The following LRP1B variants were observed in gnomAD, a reference collection of about 807,000 sequenced individuals.
LRP1B encodes LDL receptor related protein 1B, also known as low-density lipoprotein receptor-related protein 1B.
LRP1B carries 217 observed loss-of-function variants against 556.6 expected under a neutral mutation model. The observed-to-expected ratio is 0.39, with a 90% CI of 0.35 to 0.44. LRP1B has a LOEUF of 0.44. LRP1B is among the 20% of genes least tolerant of loss of function. The pLI is 1.00. For missense variants in LRP1B, 5,053 were observed against 5,620.8 expected, an observed-to-expected ratio of 0.90 and a Z score of 3.23; for synonymous variants, 2,047 against 1,865.8, an observed-to-expected ratio of 1.10 and a Z score of -2.50.
intron 46 of LRP1B, among the ~76,000 whole-genome samples, chr2:140,534,341 G>T (rs180814912): frequency 6.6e-6 from 1 of 152,212 alleles, no homozygotes; most frequent in African/African-American, 2.4e-5. Flanking sequence ...TTTTGACTTA[G>T]TGTTTTAACT....
At chr2:140,529,838 G>C (rs1215525962) in intron 47 of LRP1B, among the ~76,000 whole-genome samples, 2 of 151,852 alleles carry the variant, frequency 1.3e-5, no homozygotes, top group Admixed American at 1.3e-4. Flanking sequence ...ACCAGAAGAG[G>C]AGTACAAAAT....
rs575364070 is a variant in LRP1B at position 140,972,674 on chromosome 2, A to C, written c.2887+9486T>G. Among the ~76,000 whole-genome samples, 193 of 150,970 alleles carry C rather than the reference A, an allele frequency of 1.3e-3. 1 individual carries two copies. Among genetic ancestry groups the C allele is most frequent in the African/African-American group, 4.2e-3 (175 of 41,288 alleles). The stretch of plus-strand genomic sequence containing the variant: ...AAAACTTGAAAATTATGGGGAGTGA[A>C]GTTTATGTAAGTTTCTGACAATTTT... On this transcript the variant is annotated intron_variant, in intron 18 of 90. Coordinates refer to ENST00000389484, the MANE Select transcript of LRP1B (RefSeq NM_018557.3).
At chr2:140,817,680 G>C (rs1166804981) in intron 31 of LRP1B, among the ~76,000 whole-genome samples, 1 of 151,996 alleles carries the variant, frequency 6.6e-6, no homozygotes, top group African/African-American at 2.4e-5. Context: ...TAAGTTTTAA[G>C]TGTTGTTACA....
At chr2:141,586,664 C>T (rs942100674) in intron 2 of LRP1B, among the ~76,000 whole-genome samples, 1 of 152,066 alleles carries the variant, frequency 6.6e-6, no homozygotes, top group African/African-American at 2.4e-5. Flanking sequence ...GAAAGGGGGC[C>T]GGGCGCGGTG....
chr2:141,471,272 T>G (rs1486441272), intron 3 of LRP1B, among the ~76,000 whole-genome samples: 4 of 111,740 alleles, frequency 3.6e-5, no homozygotes, highest in African/African-American at 5.9e-5. Flanking sequence ...CCTGGTATTT[T>G]TTTTTTTTTT....
intron 22 of LRP1B, 137 bp downstream of exon 22, chr2:140,907,740 T>C: frequency 2.6e-6 from 2 of 774,748 alleles, no homozygotes; most frequent in South Asian, 1.6e-5. Flanking sequence ...CTGAGAAATG[T>C]AGACAAGGTT....
chr2:141,011,006 TA>T (rs1447663519), intron 14 of LRP1B, among the ~76,000 whole-genome samples: 8 of 148,580 alleles, frequency 5.4e-5, no homozygotes, highest in South Asian at 4.2e-4. Flanking sequence ...TCCATATGTA[TA>T]AAAAATATAA....
intron 18 of LRP1B, among the ~76,000 whole-genome samples, chr2:140,961,861 G>T (rs777016309): frequency 6.6e-6 from 1 of 152,046 alleles, no homozygotes; most frequent in Admixed American, 6.6e-5. Flanking sequence ...CCAAGAAATG[G>T]CACTTAAACA....
chr2:141,432,283 C>A (rs547417760), intron 3 of LRP1B, among the ~76,000 whole-genome samples: 11 of 152,112 alleles, frequency 7.2e-5, no homozygotes, highest in African/African-American at 2.6e-4. Flanking sequence ...TTGCATTTCT[C>A]GAATCCCATT....
chr2:140,358,577 T>A (rs916908817), intron 73 of LRP1B, among the ~76,000 whole-genome samples: 1 of 151,656 alleles, frequency 6.6e-6, no homozygotes, highest in Non-Finnish European at 1.5e-5. Context: ...AATCTCTATA[T>A]TGTTTCTCCG....
chr2:140,407,681 C>T (rs1174846870), intron 66 of LRP1B, among the ~76,000 whole-genome samples: 2 of 151,810 alleles, frequency 1.3e-5, no homozygotes, highest in Admixed American at 6.6e-5. Context: ...AAAAATAGTA[C>T]ATGTTGCTGT....
chr2:140,793,341 A>G (rs906690314), intron 32 of LRP1B, among the ~76,000 whole-genome samples: 5 of 152,014 alleles, frequency 3.3e-5, no homozygotes, highest in African/African-American at 9.7e-5. Context: ...ATGAGAATAT[A>G]CAAACTAGCA....
chr2:141,725,839 T>C (rs750313826), intron 2 of LRP1B, among the ~76,000 whole-genome samples: 6 of 133,594 alleles, frequency 4.5e-5, no homozygotes, highest in Non-Finnish European at 9.7e-5. Context: ...TTGGCATTGA[T>C]AATTTTGAAA....
intron 1 of LRP1B, among the ~76,000 whole-genome samples, chr2:142,006,029 G>A (rs1702790754): frequency 6.6e-6 from 1 of 152,042 alleles, no homozygotes; most frequent in Admixed American, 6.6e-5. Flanking sequence ...TCTGAAAGCA[G>A]GGGAGAAATT....
At chr2:141,657,071 A>G (rs2105388566) in intron 2 of LRP1B, among the ~76,000 whole-genome samples, 1 of 152,182 alleles carries the variant, frequency 6.6e-6, no homozygotes, top group East Asian at 1.9e-4. Flanking sequence ...CTTGAAGGAG[A>G]ATTTACAAAG....
Position 140,442,623 on chromosome 2 carries a change from G to C in LRP1B, c.10295C>G (p.Pro3432Arg), listed in dbSNP as rs775705660. 6.2e-7 allele frequency: 1 copy of C among 1,611,560 alleles called. No individual in the cohort carries two copies. The highest frequency in any genetic ancestry group is 2.2e-5 in the East Asian group (1 of 44,832). ...CGDEEDERDC[P>R]ENSCSPDYFQ... ...ATAGTCTGGAGAACAGCTGTTTTCA[G>C]CTTAGAAAGAAAACTGCCATTAAAA... The change falls in exon 66 of 91, where the codon CCT becomes CGT. Residue 3432 changes from proline to arginine, a missense_variant and splice_region_variant. Around this residue, in one of 5 missense-constraint regions of LRP1B, gnomAD observed 262 missense variants for 395.1 expected, o/e 0.66. Transcript: ENST00000389484.
Position 140,790,939 on chromosome 2 carries a change from AAT to A in LRP1B, c.5360-14703_5360-14702del, listed in dbSNP as rs1491393738. ...AAAATAGCAAGACACTGTCTCTACA[AAT>A]TTTTTTTTTTTTTTTTTTAATTATC... On this transcript the variant is annotated intron_variant, in intron 32 of 90. Coordinates refer to ENST00000389484, the MANE Select transcript of LRP1B (RefSeq NM_018557.3). Among the ~76,000 whole-genome samples, 50 of 115,576 alleles carry A rather than the reference AAT, an allele frequency of 4.3e-4. 1 individual carries two copies. The East Asian group carries it at 6.5e-3, about 15-fold the overall frequency. The allele number at this position is 115,576 out of a possible 152,430, so 75.8% of individuals were successfully genotyped here.
chr2:141,852,984 T>C (rs1325306389), intron 1 of LRP1B, among the ~76,000 whole-genome samples: 2 of 151,510 alleles, frequency 1.3e-5, no homozygotes, highest in African/African-American at 4.8e-5. Context: ...ATTACAAATA[T>C]ATACATTAAA....
At chr2:141,463,844 T>A (rs1172222731) in intron 3 of LRP1B, among the ~76,000 whole-genome samples, 2 of 136,772 alleles carry the variant, frequency 1.5e-5, no homozygotes, top group Non-Finnish European at 3.2e-5. Flanking sequence ...TTGGATAATA[T>A]TACATATAAT....
Sources: gnomAD v4.1 joint callset for allele counts (sites outside exome capture counted in the v4.1 genomes callset) on GRCh38, gnomAD v4.1.1 for gene constraint, gnomAD v4.1.1 regional missense constraint, MANE v1.5 for transcripts, NCBI Gene and HGNC (gene_info 2026-07-23, HGNC 2026-07-21) for gene names.